Variants in ASCC3 observed in about 807,000 individuals in gnomAD.
ASCC3 encodes the protein ASC-1 complex subunit P200.
In ASCC3, 158 loss-of-function variants were observed where a neutral mutation model predicts 256.3. The ratio of observed to expected loss-of-function variants is 0.62; its 90% CI spans 0.54 to 0.70. The LOEUF (loss-of-function observed/expected upper bound fraction) is 0.70, where lower values mean the gene tolerates loss of function less well. ASCC3 is among the 30% of genes least tolerant of loss of function. The pLI is 0.00. For missense variants in ASCC3, 2,259 were observed against 2,626.0 expected, an observed-to-expected ratio of 0.86 and a Z score of 3.05; for synonymous variants, 948 against 883.4, an observed-to-expected ratio of 1.07 and a Z score of -1.30.
intron 26 of ASCC3, among the ~76,000 whole-genome samples, chr6:100,630,190 A>C (rs1774465280): frequency 6.6e-6 from 1 of 152,246 alleles, no homozygotes; most frequent in East Asian, 1.9e-4. Context: ...CGCCCAGCCT[A>C]ATATAATTTC....
intron 10 of ASCC3, among the ~76,000 whole-genome samples, chr6:100,745,476 G>C (rs1188930046): frequency 7.2e-6 from 1 of 139,564 alleles, no homozygotes; most frequent in Non-Finnish European, 1.5e-5. Context: ...GACAGAGTGA[G>C]ACTTGGTCTC....
chr6:100,707,353 A>T (rs1361196266), intron 13 of ASCC3, among the ~76,000 whole-genome samples: 1 of 152,092 alleles, frequency 6.6e-6, no homozygotes, highest in Non-Finnish European at 1.5e-5. Flanking sequence ...TGAATGAGAA[A>T]AATACAACAG....
chr6:100,808,657 T>C (rs1770308800), intron 4 of ASCC3, among the ~76,000 whole-genome samples: 1 of 151,932 alleles, frequency 6.6e-6, no homozygotes, highest in African/African-American at 2.4e-5. Context: ...GAAAATATAG[T>C]TAATTTTCAT....
Position 100,684,028 on chromosome 6 carries a change from T to C in ASCC3, c.2152-4276A>G, listed in dbSNP as rs530337735. Among the ~76,000 whole-genome samples, 20 of 152,234 alleles carry C rather than the reference T, an allele frequency of 1.3e-4. No individual in the cohort carries two copies. The East Asian group carries it at 3.9e-3, about 29-fold the overall frequency. ...CTTGTCAAAGAAAGTGTTCTTCACA[T>C]TGAGATGCTGATTAAAATTAATAAA... On this transcript the variant is annotated intron_variant, in intron 13 of 41. Coordinates refer to ENST00000369162, the MANE Select transcript of ASCC3 (RefSeq NM_006828.4).
chr6:100,558,652 G>A (rs1769757418), intron 36 of ASCC3, among the ~76,000 whole-genome samples: 1 of 152,112 alleles, frequency 6.6e-6, no homozygotes, highest in Non-Finnish European at 1.5e-5. Flanking sequence ...TTCTGAGTGG[G>A]ACAGATAGCT....
intron 4 of ASCC3, among the ~76,000 whole-genome samples, chr6:100,835,046 T>C (rs1168976304): frequency 6.6e-6 from 1 of 150,390 alleles, no homozygotes; most frequent in African/African-American, 2.5e-5. Context: ...CTAAAAACCA[T>C]ATAATGCATC....
At position 100,848,028 on chromosome 6, in the gene ASCC3, A is replaced by G. The variant is rs1053537382; in HGVS notation, c.801+120T>C. 11 of 975,784 alleles carry G rather than the reference A, an allele frequency of 1.1e-5. No individual in the cohort carries two copies. In the African/African-American group the frequency reaches 1.8e-4, roughly 16 times the overall value. The allele number at this position is 975,784 out of a possible 1,614,324, so 60.4% of individuals were successfully genotyped here. A position where few individuals can be genotyped will look rare whatever the true frequency, so the allele number is the denominator to read the frequency against. ...CTGCTATGTGAAACCATTTGGCTATAGATTCAACTACTATACAGAACATTA... is the reference window on the plus strand; with the variant it reads ...CTGCTATGTGAAACCATTTGGCTATGGATTCAACTACTATACAGAACATTA... On this transcript the variant is annotated intron_variant, in intron 4 of 41. Coordinates refer to ENST00000369162, the MANE Select transcript of ASCC3 (RefSeq NM_006828.4).
intron 36 of ASCC3, among the ~76,000 whole-genome samples, chr6:100,571,048 A>G (rs2114724505): frequency 6.6e-6 from 1 of 152,250 alleles, no homozygotes; most frequent in South Asian, 2.1e-4. Flanking sequence ...TCATCGGATC[A>G]AAATCCCACC....
At chr6:100,558,248 C>T (rs1254762269) in intron 36 of ASCC3, among the ~76,000 whole-genome samples, 2 of 151,922 alleles carry the variant, frequency 1.3e-5, no homozygotes, top group East Asian at 3.9e-4. Context: ...ATATATATTT[C>T]TGGTAAAAAA....
At chr6:100,820,503 T>C (rs1375719962) in intron 4 of ASCC3, among the ~76,000 whole-genome samples, 1 of 152,036 alleles carries the variant, frequency 6.6e-6, no homozygotes, top group East Asian at 1.9e-4. Flanking sequence ...ATAAATGACC[T>C]AAATGTAAGA....
intron 36 of ASCC3, among the ~76,000 whole-genome samples, chr6:100,588,394 C>T (rs1038860071): frequency 8.5e-5 from 13 of 152,204 alleles, no homozygotes; most frequent in Middle Eastern, 3.4e-3. Context: ...CATTATTTTG[C>T]TGCCTGTGCC....
intron 1 of ASCC3, among the ~76,000 whole-genome samples, chr6:100,870,796 C>T (rs1183773265): frequency 2.0e-5 from 3 of 152,132 alleles, no homozygotes; most frequent in African/African-American, 7.2e-5. Context: ...ATTTTTCTAA[C>T]ACTAGATAAC....
chr6:100,689,038 A>G (rs536617386), intron 13 of ASCC3, among the ~76,000 whole-genome samples: 4 of 152,252 alleles, frequency 2.6e-5, no homozygotes, highest in African/African-American at 4.8e-5. Context: ...ATGCATTTGT[A>G]TATTTCCAGG....
chr6:100,587,204 C>T (rs1436514852), intron 36 of ASCC3, among the ~76,000 whole-genome samples: 1 of 151,934 alleles, frequency 6.6e-6, no homozygotes, highest in African/African-American at 2.4e-5. Context: ...ACACTTTCTC[C>T]TTAGTTTAAA....
intron 13 of ASCC3, among the ~76,000 whole-genome samples, chr6:100,704,343 G>A (rs886667448): frequency 2.0e-5 from 3 of 151,908 alleles, no homozygotes; most frequent in African/African-American, 2.4e-5. Context: ...AAAGAAAGAA[G>A]CACTCAAATA....
At chr6:100,674,895 G>A (rs1286055254) in intron 14 of ASCC3, among the ~76,000 whole-genome samples, 1 of 152,070 alleles carries the variant, frequency 6.6e-6, no homozygotes, top group African/African-American at 2.4e-5. Context: ...GCCTCCCAAA[G>A]TGCTGGGATT....
At chr6:100,677,938 T>C (rs1469876131) in intron 14 of ASCC3, among the ~76,000 whole-genome samples, 1 of 152,112 alleles carries the variant, frequency 6.6e-6, no homozygotes, top group East Asian at 1.9e-4. Context: ...CTTGGTGACA[T>C]TGCCTTAAAT....
intron 3 of ASCC3, chr6:100,858,787 C>T: frequency 1.3e-6 from 1 of 747,518 alleles, no homozygotes; most frequent in Non-Finnish European, 1.8e-6. Flanking sequence ...AACATTATCA[C>T]ACCTGAGATC....
At chr6:100,865,016 T>C (rs1773412069) in intron 2 of ASCC3, among the ~76,000 whole-genome samples, 1 of 152,216 alleles carries the variant, frequency 6.6e-6, no homozygotes, top group Non-Finnish European at 1.5e-5. Context: ...GCAGTAATTT[T>C]GCTATTGGTT....
Sources: gnomAD v4.1 joint callset for allele counts (sites outside exome capture counted in the v4.1 genomes callset) on GRCh38, gnomAD v4.1.1 for gene constraint, MANE v1.5 for transcripts, NCBI Gene and HGNC (gene_info 2026-07-23, HGNC 2026-07-21) for gene names.